NOP56: variants seen among roughly 807,000 people sequenced by gnomAD.
NOP56 encodes NOP56 ribonucleoprotein.
NOP56 carries 31 observed loss-of-function variants against 58.3 expected under a neutral mutation model. The ratio of observed to expected loss-of-function variants is 0.53; its 90% confidence interval spans 0.40 to 0.72. The LOEUF (loss-of-function observed/expected upper bound fraction) is 0.72, where lower values mean the gene tolerates loss of function less well. Among genes scored for constraint, NOP56 ranks in the 30% least tolerant of loss-of-function variants. The pLI is 0.00. For synonymous variants in NOP56, 313 were observed against 282.8 expected (o/e 1.11, Z -1.07); for missense variants, 669 against 739.9 (o/e 0.90, Z 1.11).
chr20:2,653,311 C>T lies in NOP56; in HGVS notation c.126C>T (p.Phe42=). The change falls in exon 3 of 12, where the codon TTC becomes TTT. Residue 42 remains phenylalanine, a synonymous_variant. Coordinates refer to ENST00000329276, the MANE Select transcript of NOP56 (RefSeq NM_006392.4). ...VEESVLNLGK[F]HSIVRLVAFC... is the part of the protein sequence containing the mutation. Reference sequence around the variant, plus strand: ...AGTCTGTGCTCAACCTGGGCAAATTCCACAGCATCGTTCGTCTGGTGGCCT... The same window carrying T: ...AGTCTGTGCTCAACCTGGGCAAATTTCACAGCATCGTTCGTCTGGTGGCCT... The T allele has an allele frequency of 1.2e-6, 2 of 1,614,182 alleles. No homozygotes were observed. Among genetic ancestry groups the T allele is most frequent in the Non-Finnish European group, 1.7e-6 (2 of 1,180,026 alleles).
In NOP56 at chr20:2,654,873, C is replaced by T; in HGVS notation, c.495C>T (p.Asp165=). 6.2e-7 allele frequency: 1 copy of T among 1,614,142 alleles called. No individual in the cohort carries two copies. Among genetic ancestry groups the T allele is most frequent in the Non-Finnish European group, 8.5e-7 (1 of 1,180,038 alleles). The change falls in exon 5 of 12, where the codon GAC becomes GAT. Residue 165 remains aspartate, a synonymous_variant. Coordinates refer to ENST00000329276, the MANE Select transcript of NOP56 (RefSeq NM_006392.4). ...TTAAGTTTAATGTGAACCGGGTGGA[C>T]AATATGATCATCCAGTCCATTAGCC... ...AKVKFNVNRV[D]NMIIQSISLL...
rs752928248 is a variant in NOP56 at position 2,656,803 on chromosome 20, C to G, written c.1189C>G (p.Leu397Val). 1.2e-6 allele frequency: 2 copies of G among 1,614,126 alleles called. No individual in the cohort carries two copies. The highest frequency in any genetic ancestry group is 1.7e-5 in the Admixed American group (1 of 60,014). Residue 397 changes from leucine to valine, a missense_variant, in exon 10 of 12, where the codon CTT becomes GTT. Leu to Val is a conservative substitution (Grantham distance 32, BLOSUM62 1). Transcript: ENST00000329276. ...GCCCACGAGTGTATTCGGGGAGAAG[C>G]TTCGAGAACAAGTTGAAGAGCGACT... ...EVPTSVFGEK[L>V]REQVEERLSF...
Position 2,655,427 on chromosome 20 carries a change from T to A in NOP56, c.672T>A (p.Asn224Lys), listed in dbSNP as rs1478137039. Residue 224 changes from asparagine (N) to lysine (K), a missense_variant, in exon 6 of 12, where the codon AAT (asparagine) becomes AAA (lysine). Around this residue, in one of 3 missense-constraint regions of NOP56, gnomAD observed 339 missense variants for 430.5 expected, o/e 0.79. Coordinates refer to ENST00000329276, the MANE Select transcript of NOP56 (RefSeq NM_006392.4). Reference protein sequence around the residue: ...AQFIGNRRELNEDKLEKLEEL... With the variant: ...AQFIGNRRELKEDKLEKLEEL... ...TTATTGGAAACCGAAGGGAACTGAA[T>A]GAGGACAAGCTGGAGAAGCTGGAGG... is the stretch of plus-strand genomic sequence containing the variant. 9.3e-6 allele frequency: 15 copies of A among 1,613,960 alleles called. No homozygotes were observed. The highest frequency in any genetic ancestry group is 1.3e-5 in the African/African-American group (1 of 74,872).
At chr20:2,655,269 G>A in intron 5 of NOP56, 56 bp from the exon 6 acceptor site, 1 of 1,601,526 alleles carries the variant, frequency 6.2e-7, no homozygotes, top group Non-Finnish European at 8.6e-7. Flanking sequence ...CAAGGCTGTA[G>A]CTCTATGGTT....
chr20:2,654,315 CATCCCA>C, intron 3 of NOP56, 93 bp from the exon 4 acceptor site: 3 of 1,225,130 alleles, frequency 2.4e-6, no homozygotes, highest in Non-Finnish European at 2.4e-6. Context: ...CTAGGTATGC[CATCCCA>C]GCGTGCTCGG....
At chr20:2,657,626 G>C (rs1427847582) in intron 11 of NOP56, 8 of 511,284 alleles carry the variant, frequency 1.6e-5, no homozygotes, top group Non-Finnish European at 2.8e-5. Flanking sequence ...TTAGCACCCA[G>C]TTTCTTAAAC....
In NOP56 at chr20:2,656,701, G is replaced by A. The variant is rs753978338; in HGVS notation, c.1160-73G>A. 38 of 1,613,062 alleles carry A rather than the reference G, an allele frequency of 2.4e-5. 1 individual carries two copies. In the South Asian group the frequency reaches 4.2e-4, roughly 18 times the overall value. On this transcript the variant is annotated intron_variant, in intron 9 of 11. Coordinates refer to ENST00000329276, the MANE Select transcript of NOP56 (RefSeq NM_006392.4). ...AGACTCTGGGTCTGAGTGAAGCTGAGGGTAGAGGGAACACAGGGTTGGGGT... is the reference window on the plus strand; with the variant it reads ...AGACTCTGGGTCTGAGTGAAGCTGAAGGTAGAGGGAACACAGGGTTGGGGT...
intron 8 of NOP56, 79 bp downstream of exon 8, chr20:2,656,113 G>C: frequency 6.2e-7 from 1 of 1,613,034 alleles, no homozygotes; most frequent in Non-Finnish European, 8.5e-7. Flanking sequence ...GGTGATGGCT[G>C]ACCAGGGCTC....
chr20:2,656,739 T>A, intron 9 of NOP56, 35 bp from the exon 10 acceptor site: 10 of 1,614,156 alleles, frequency 6.2e-6, no homozygotes, highest in Non-Finnish European at 6.8e-6. Flanking sequence ...TTTCTCTCTT[T>A]GGGCTGACAG....
intron 9 of NOP56, 34 bp downstream of exon 9, chr20:2,656,583 G>C: frequency 6.2e-7 from 1 of 1,612,340 alleles, no homozygotes; most frequent in Non-Finnish European, 8.5e-7. Flanking sequence ...GGTGTGAGAA[G>C]GGGCTGGGTG....
Position 2,653,131 on chromosome 20 carries a change from C to T in NOP56, c.94-148C>T, listed in dbSNP as rs1489546218. 9.9e-6 allele frequency: 8 copies of T among 806,916 alleles called. No homozygotes were observed. In the East Asian group the frequency reaches 2.0e-4, roughly 20 times the overall value. 50.0% of individuals were successfully genotyped at this position (806,916 alleles called of 1,614,324 possible). A position where few individuals can be genotyped will look rare whatever the true frequency, so the allele number is the denominator to read the frequency against. ...AATTAGAAATAAGCCTCCCGGACGC[C>T]GCCCCCGAACGATTAAAGCAGAAGC... On this transcript the variant is annotated intron_variant, in intron 2 of 11. Coordinates refer to ENST00000329276, the MANE Select transcript of NOP56 (RefSeq NM_006392.4).
chr20:2,657,394 T>C (rs985770405), intron 11 of NOP56, 176 bp downstream of exon 11: 5 of 950,918 alleles, frequency 5.3e-6, no homozygotes, highest in Admixed American at 2.0e-5. Context: ...GTGCTGAACT[T>C]GCTCAAGAGC....
At chr20:2,657,559 G>C in intron 11 of NOP56, 1 of 538,614 alleles carries the variant, frequency 1.9e-6, no homozygotes, top group East Asian at 3.5e-5. Context: ...CAGTGGGGAT[G>C]GGGGCAGGGA....
chr20:2,658,109 A>G lies in NOP56; in HGVS notation c.1600A>G (p.Arg534Gly). ...CGCTGGCAGCACCAGTATTCCCAAG[A>G]GGAAGAAGTCTACACCCAAGGAGGA... ...ETAGSTSIPKRKKSTPKEETV... is the reference protein window; with the variant it reads ...ETAGSTSIPKGKKSTPKEETV... The change falls in exon 12 of 12, where the codon AGG becomes GGG. Residue 534 changes from arginine to glycine, a missense_variant. By Grantham distance (125) the Arg-to-Gly change is moderately radical (BLOSUM62 -2). This residue lies in a region of NOP56 where 209 missense variants were observed against 196.2 expected (regional missense o/e 1.07). Transcript: ENST00000329276. The G allele has an allele frequency of 6.2e-7, 1 of 1,614,154 alleles. No homozygotes were observed. The highest frequency in any genetic ancestry group is 1.1e-5 in the South Asian group (1 of 91,078).
In NOP56 at chr20:2,654,914, A is replaced by G. The variant is rs2086797159; in HGVS notation, c.536A>G (p.Asp179Gly). The G allele has an allele frequency of 6.2e-7, 1 of 1,614,216 alleles. No homozygotes were observed. Among genetic ancestry groups the G allele is most frequent in the Non-Finnish European group, 8.5e-7 (1 of 1,180,048 alleles). ...TCCATTAGCCTCCTGGACCAGCTGG[A>G]TAAGGACATCAATACCTTCTCTATG... The part of the protein sequence containing the change: ...IQSISLLDQL[D>G]KDINTFSMRV... The change falls in exon 5 of 12, where the codon GAT becomes GGT. Residue 179 changes from aspartate (D) to glycine (G), a missense_variant. Around this residue, in one of 3 missense-constraint regions of NOP56, gnomAD observed 339 missense variants for 430.5 expected, o/e 0.79. Transcript: ENST00000329276.
In NOP56 at chr20:2,655,340, T is replaced by A; in HGVS notation, c.585T>A (p.Tyr195Ter). The A allele has an allele frequency of 6.2e-7, 1 of 1,614,126 alleles. No homozygotes were observed. The highest frequency in any genetic ancestry group is 8.5e-7 in the Non-Finnish European group (1 of 1,180,026). ...FSMRVREWYG[Y>*]HFPELVKIIN... ...CTCTTTGCAGGGAGTGGTACGGGTA[T>A]CACTTTCCGGAGCTGGTGAAGATCA... is the stretch of plus-strand genomic sequence containing the variant. The change falls in exon 6 of 12, where the codon TAT becomes TAA. Residue 195 changes from tyrosine (Y) to a stop codon, truncating the protein, a stop_gained. Transcript: ENST00000329276. LOFTEE classifies it high-confidence loss of function.
intron 5 of NOP56, 85 bp downstream of exon 5, chr20:2,655,032 T>G (rs981693284): frequency 5.2e-6 from 8 of 1,526,356 alleles, no homozygotes; most frequent in Non-Finnish European, 6.3e-6. Flanking sequence ...CTGACCATCC[T>G]GTGGGTAGAA....
chr20:2,657,089 A>T lies in NOP56; in HGVS notation c.1290A>T (p.Glu430Asp), dbSNP rs1463548760. 2 of 1,614,136 alleles carry T rather than the reference A, an allele frequency of 1.2e-6. No individual in the cohort carries two copies. Among genetic ancestry groups the T allele is most frequent in the Non-Finnish European group, 1.7e-6 (2 of 1,180,026 alleles). The change falls in exon 11 of 12, where the codon GAA becomes GAT. Residue 430 changes from glutamate (E) to aspartate (D), a missense_variant. Glu to Asp is a conservative substitution (Grantham distance 45). Around this residue, in one of 3 missense-constraint regions of NOP56, gnomAD observed 209 missense variants for 196.2 expected, o/e 1.07. Transcript: ENST00000329276. Reference protein sequence around the residue: ...VMKEAMVQAEEAAAEITRKLE... With the variant: ...VMKEAMVQAEDAAAEITRKLE... ...CACTTTTCTTTGACCAGGCAGAGGA[A>T]GCGGCTGCTGAGATTACTAGGAAGC...
intron 2 of NOP56, 118 bp downstream of exon 2, chr20:2,653,049 T>A: frequency 1.1e-6 from 1 of 943,332 alleles, no homozygotes; most frequent in Non-Finnish European, 1.6e-6. Context: ...GGGACGGGCC[T>A]GGAAAGCTCT....
Sources: gnomAD v4.1 joint callset for allele counts on GRCh38, gnomAD v4.1.1 for gene constraint, gnomAD v4.1.1 regional missense constraint, MANE v1.5 for transcripts, NCBI Gene and HGNC (gene_info 2026-07-23, HGNC 2026-07-21) for gene names.